The following ATG5 variants were observed in gnomAD, a reference collection of about 807,000 sequenced individuals.
The protein encoded by ATG5 is autophagy related 5.
A neutral mutation model predicts 36.5 loss-of-function variants in ATG5; 14 were observed. That is an observed-to-expected ratio of 0.38 (90% CI 0.25 to 0.60). The LOEUF is 0.60. ATG5 is among the 20% of genes least tolerant of loss of function. The pLI is 0.60. For synonymous variants in ATG5, 95 were observed against 101.5 expected, an observed-to-expected ratio of 0.94 and a Z score of 0.38; for missense variants, 195 against 326.7, an observed-to-expected ratio of 0.60 and a Z score of 3.11.
At chr6:106,312,639 C>T (rs868384938) in intron 2 of ATG5, among the ~76,000 whole-genome samples, 3,117 of 151,604 alleles carry the variant, frequency 0.021, 103 homozygotes, top group African/African-American at 0.068. Context: ...CACACACACA[C>T]ACACACACAC....
At chr6:106,224,952 A>G (rs1214367029) in intron 6 of ATG5, among the ~76,000 whole-genome samples, 1 of 152,222 alleles carries the variant, frequency 6.6e-6, no homozygotes, top group Non-Finnish European at 1.5e-5. Flanking sequence ...TATTCACCAG[A>G]TATGTTCCAC....
At chr6:106,221,462 G>C (rs144653986) in intron 6 of ATG5, among the ~76,000 whole-genome samples, 11,321 of 152,090 alleles carry the variant, frequency 0.074, 596 homozygotes, top group Middle Eastern at 0.11. Context: ...AAGATGGGCG[G>C]ATCACTTGAG....
chr6:106,264,046 TGAGCTAAAG>T (rs1052608550), intron 5 of ATG5, among the ~76,000 whole-genome samples: 33 of 152,136 alleles, frequency 2.2e-4, no homozygotes, highest in African/African-American at 8.0e-4. Context: ...CAAACTCTTC[TGAGCTAAAG>T]GAGCATGTTC....
At chr6:106,207,533 T>C (rs574518611) in intron 6 of ATG5, among the ~76,000 whole-genome samples, 3,134 of 150,020 alleles carry the variant, frequency 0.021, 100 homozygotes, top group African/African-American at 0.074. Context: ...AGACCTCATC[T>C]CTTAAAAAAA....
chr6:106,189,246 C>T (rs1199247835), intron 7 of ATG5, among the ~76,000 whole-genome samples: 4 of 152,162 alleles, frequency 2.6e-5, no homozygotes, highest in East Asian at 1.9e-4. Flanking sequence ...TATATGCTAT[C>T]CTTAATTCAT....
At chr6:106,303,175 C>G (rs1377588599) in intron 3 of ATG5, among the ~76,000 whole-genome samples, 1 of 151,954 alleles carries the variant, frequency 6.6e-6, no homozygotes, top group East Asian at 1.9e-4. Context: ...AACCACAACA[C>G]TGGCTCTTCA....
At chr6:106,287,953 T>A (rs1238327530) in intron 4 of ATG5, among the ~76,000 whole-genome samples, 1 of 151,420 alleles carries the variant, frequency 6.6e-6, no homozygotes, top group Non-Finnish European at 1.5e-5. Context: ...GTATTATGAG[T>A]ATTCACTGGA....
intron 6 of ATG5, among the ~76,000 whole-genome samples, chr6:106,216,149 G>A (rs1308140613): frequency 1.3e-5 from 2 of 152,170 alleles, no homozygotes; most frequent in Non-Finnish European, 2.9e-5. Flanking sequence ...ACTGATGGTA[G>A]AAATGTAAAA....
At chr6:106,250,359 A>G (rs888387839) in intron 5 of ATG5, among the ~76,000 whole-genome samples, 2 of 152,250 alleles carry the variant, frequency 1.3e-5, no homozygotes, top group African/African-American at 2.4e-5. Context: ...GACTCGCAGT[A>G]TATTAGAAAT....
At position 106,321,852 on chromosome 6, in the gene ATG5, C is replaced by T. The variant is rs1217022862; in HGVS notation, c.-59+3674G>A. Among the ~76,000 whole-genome samples, 3 of 152,090 alleles carry T rather than the reference C, an allele frequency of 2.0e-5. No homozygotes were observed. The East Asian group carries it at 5.8e-4, about 29-fold the overall frequency. On this transcript the variant is annotated intron_variant, in intron 1 of 7. Transcript: ENST00000369076. ...GACAGCAAAATTTAGTCATAAGTAC[C>T]TTCTTATCACCAATATTAGTACAGT...
chr6:106,187,558 GT>G (rs1319550602), intron 7 of ATG5, among the ~76,000 whole-genome samples: 3 of 152,010 alleles, frequency 2.0e-5, no homozygotes, highest in African/African-American at 7.3e-5. Context: ...ACAATTCTGG[GT>G]TTGTCTCCTT....
At chr6:106,233,925 G>A (rs1777787728) in intron 6 of ATG5, among the ~76,000 whole-genome samples, 1 of 152,020 alleles carries the variant, frequency 6.6e-6, no homozygotes, top group Non-Finnish European at 1.5e-5. Flanking sequence ...CCATCAAATA[G>A]GAGTTTACCT....
chr6:106,229,729 T>C (rs1380757058), intron 6 of ATG5, among the ~76,000 whole-genome samples: 2 of 152,172 alleles, frequency 1.3e-5, no homozygotes, highest in Admixed American at 1.3e-4. Context: ...CCCATAGCCT[T>C]CCTATCAAAA....
chr6:106,206,648 C>CAA (rs57955030), intron 6 of ATG5, among the ~76,000 whole-genome samples: 7 of 118,126 alleles, frequency 5.9e-5, no homozygotes, highest in Admixed American at 3.3e-4. Context: ...GAAACTGTCT[C>CAA]AAAAAAAAAA....
chr6:106,226,148 G>A (rs1777446312), intron 6 of ATG5, among the ~76,000 whole-genome samples: 1 of 152,088 alleles, frequency 6.6e-6, no homozygotes. Flanking sequence ...GGCAAAGATT[G>A]GAAGATACTC....
At chr6:106,287,256 G>C (rs1209534284) in intron 4 of ATG5, among the ~76,000 whole-genome samples, 1 of 152,296 alleles carries the variant, frequency 6.6e-6, no homozygotes, top group Middle Eastern at 3.4e-3. Flanking sequence ...AAACACAGTG[G>C]CTCTTGGCCT....
intron 6 of ATG5, among the ~76,000 whole-genome samples, chr6:106,244,778 A>G (rs537099141): frequency 1.3e-5 from 2 of 152,366 alleles, no homozygotes; most frequent in East Asian, 3.9e-4. Flanking sequence ...GCAGGCAAAT[A>G]TGTGTGTAAA....
At chr6:106,232,817 G>A (rs1488438013) in intron 6 of ATG5, among the ~76,000 whole-genome samples, 1 of 152,140 alleles carries the variant, frequency 6.6e-6, no homozygotes, top group Non-Finnish European at 1.5e-5. Context: ...AATACCAGAG[G>A]AAGCAGAGTG....
rs966789861 is a variant in ATG5, at chr6:106,186,353, C to G, written c.*187G>C. ...GTTTAATGATGGCAGTGGAGGAAAG[C>G]AGAGGTGATGCAAAGTAAGACCAGC... On this transcript the variant is annotated 3_prime_UTR_variant, in exon 8 of 8. Coordinates refer to ENST00000369076, the MANE Select transcript of ATG5 (RefSeq NM_004849.4). The G allele has an allele frequency of 6.7e-6, 4 of 599,154 alleles. No individual in the cohort carries two copies. In the East Asian group the frequency reaches 1.1e-4, roughly 17 times the overall value. The allele number at this position is 599,154 out of a possible 1,614,324, so 37.1% of individuals were successfully genotyped here.
Sources: allele counts gnomAD v4.1 joint callset (sites outside exome capture counted in the v4.1 genomes callset), GRCh38; gene constraint gnomAD v4.1.1; transcripts MANE v1.5; gene names NCBI Gene and HGNC (gene_info 2026-07-23, HGNC 2026-07-21).